The following CLN3 variants were observed in gnomAD, a reference collection of about 807,000 sequenced individuals.
CLN3 encodes the protein CLN3 lysosomal/endosomal transmembrane protein, battenin.
In CLN3, 49 loss-of-function variants were observed where a neutral mutation model predicts 60.7. The ratio of observed to expected loss-of-function variants is 0.81; its 90% confidence interval spans 0.64 to 1.02. The LOEUF (loss-of-function observed/expected upper bound fraction) is 1.02. Among genes scored for constraint, CLN3 ranks in the 50% least tolerant of loss-of-function variants. The pLI is 0.00. For missense variants in CLN3, 516 were observed against 557.4 expected, an observed-to-expected ratio of 0.93 and a Z score of 0.75; for synonymous variants, 256 against 245.8, an observed-to-expected ratio of 1.04 and a Z score of -0.39.
intron 14 of CLN3, chr16:28,479,666 G>A (rs1170319224): frequency 1.2e-5 from 2 of 171,604 alleles, no homozygotes; most frequent in African/African-American, 2.4e-5. Context: ...CTACTCGGAA[G>A]GCTGAGGCTT....
chr16:28,472,919 G>A (rs955792651), downstream of CLN3, among the ~76,000 whole-genome samples: 2 of 149,754 alleles, frequency 1.3e-5, no homozygotes, highest in South Asian at 4.3e-4. Context: ...TTACAGGCGT[G>A]AGCCACTGCA....
chr16:28,474,959 G>A (rs2045979533), downstream of CLN3, among the ~76,000 whole-genome samples: 1 of 152,128 alleles, frequency 6.6e-6, no homozygotes, highest in Non-Finnish European at 1.5e-5. Flanking sequence ...ATAAAAATTA[G>A]CCAGGCAGGG....
At chr16:28,469,722 C>G, downstream of CLN3, 1 of 392,164 alleles carries the variant, frequency 2.5e-6, no homozygotes, top group Non-Finnish European at 4.9e-6. Flanking sequence ...GGCGCGGTGG[C>G]TCACGCCTGT....
intron 14 of CLN3, among the ~76,000 whole-genome samples, chr16:28,481,235 C>T (rs778277331): frequency 6.6e-6 from 1 of 151,998 alleles, no homozygotes; most frequent in Non-Finnish European, 1.5e-5. Flanking sequence ...CTCAGCTTCC[C>T]AGTAGCTAAG....
At chr16:28,474,560 G>C (rs1286530615), downstream of CLN3, among the ~76,000 whole-genome samples, 3 of 152,294 alleles carry the variant, frequency 2.0e-5, no homozygotes, top group African/African-American at 7.2e-5. Context: ...GTATTGGTGG[G>C]GACGTGGAGT....
chr16:28,478,972 G>A (rs566479037), intron 14 of CLN3, among the ~76,000 whole-genome samples: 68 of 152,216 alleles, frequency 4.5e-4, no homozygotes, highest in Non-Finnish European at 7.5e-4. Flanking sequence ...TCAAGCAGTC[G>A]CTGCCCCCCT....
intron 14 of CLN3, among the ~76,000 whole-genome samples, chr16:28,481,425 C>A (rs111887933): frequency 8.5e-6 from 1 of 117,096 alleles, no homozygotes; most frequent in Non-Finnish European, 1.8e-5. Flanking sequence ...AAAACACACA[C>A]ACACACACAC....
chr16:28,480,525 C>T (rs983232048), intron 14 of CLN3, among the ~76,000 whole-genome samples: 3 of 152,042 alleles, frequency 2.0e-5, no homozygotes, highest in East Asian at 1.9e-4. Flanking sequence ...CTCAGCCTAG[C>T]GAGTAGCTGA....
In CLN3 at chr16:28,487,864, G is replaced by A; in HGVS notation, c.295-123C>T. 4.0e-6 allele frequency: 3 copies of A among 755,678 alleles called. No homozygotes were observed. The South Asian group carries it at 4.4e-5, about 11-fold the overall frequency. The allele number at this position is 755,678 out of a possible 1,614,324, so 46.8% of individuals were successfully genotyped here. A position where few individuals can be genotyped will look rare whatever the true frequency, so the allele number is the denominator to read the frequency against. ...CTACAAACACAGGCTCTGGAGTCAG[G>A]CACGCCTGGGTTCAAGTCTCAGCTC... On this transcript the variant is annotated intron_variant, in intron 5 of 15. Transcript: ENST00000636147.
intron 10 of CLN3, 42 bp from the exon 11 acceptor site, chr16:28,482,714 A>G: frequency 1.2e-6 from 2 of 1,608,786 alleles, no homozygotes; most frequent in Non-Finnish European, 1.7e-6. Context: ...AAGTTTTCAC[A>G]CTGAAGACTC....
At chr16:28,487,391 C>A in intron 7 of CLN3, 65 bp downstream of exon 7, 1 of 1,330,356 alleles carries the variant, frequency 7.5e-7, no homozygotes, top group Non-Finnish European at 1.1e-6. Context: ...TGGGGAGACT[C>A]TTCCCACAAA....
At chr16:28,481,573 T>C (rs1194330596) in intron 14 of CLN3, among the ~76,000 whole-genome samples, 1 of 152,024 alleles carries the variant, frequency 6.6e-6, no homozygotes, top group Non-Finnish European at 1.5e-5. Flanking sequence ...CATGAGGAAA[T>C]TGAGGCTCAG....
chr16:28,479,825 A>C (rs1265712377), intron 14 of CLN3: 1 of 173,026 alleles, frequency 5.8e-6, no homozygotes, highest in African/African-American at 2.4e-5. Context: ...TTAAAACCAT[A>C]AGCTACATGT....
intron 14 of CLN3, among the ~76,000 whole-genome samples, chr16:28,480,127 T>C (rs2046061449): frequency 6.6e-6 from 1 of 151,594 alleles, no homozygotes; most frequent in Admixed American, 6.6e-5. Flanking sequence ...CACCCTGTTG[T>C]TGTTTTTTGT....
Position 28,491,454 on chromosome 16 carries a change from T to C in CLN3, c.125+28A>G, listed in dbSNP as rs1484956618. 3.1e-6 allele frequency: 5 copies of C among 1,611,396 alleles called. No individual in the cohort carries two copies. In the Admixed American group the frequency reaches 8.4e-5, roughly 27 times the overall value. On this transcript the variant is annotated intron_variant, in intron 3 of 15. Transcript: ENST00000636147. ...TCACTTCCCTCTTCTCATGCCATTG[T>C]CACTCGCTGAAGTCTCAGGCCACTC...
chr16:28,485,623 G>A (rs1212615290), intron 9 of CLN3, among the ~76,000 whole-genome samples: 2 of 126,636 alleles, frequency 1.6e-5, no homozygotes, highest in Non-Finnish European at 3.2e-5. Context: ...GTTCAGGCCT[G>A]TTGCCCTGGC....
intron 15 of CLN3, 47 bp downstream of exon 15, chr16:28,477,690 G>A (rs774635767): frequency 3.1e-6 from 5 of 1,613,954 alleles, no homozygotes; most frequent in African/African-American, 1.3e-5. Flanking sequence ...CCTGCCCTGG[G>A]TGTCCCTGGA....
At chr16:28,483,316 G>C (rs1164857139) in intron 10 of CLN3, among the ~76,000 whole-genome samples, 1 of 151,698 alleles carries the variant, frequency 6.6e-6, no homozygotes, top group African/African-American at 2.4e-5. Flanking sequence ...CTGCCTCCTG[G>C]GTTCAAGTGA....
At chr16:28,481,458 A>ACACACACGCG (rs1555468024) in intron 14 of CLN3, among the ~76,000 whole-genome samples, 1 of 128,942 alleles carries the variant, frequency 7.8e-6, no homozygotes, top group African/African-American at 2.8e-5. Context: ...ACACACGCAC[A>ACACACACGCG]CACACACACA....
Sources: allele counts gnomAD v4.1 joint callset (sites outside exome capture counted in the v4.1 genomes callset), GRCh38; gene constraint gnomAD v4.1.1; transcripts MANE v1.5; gene names NCBI Gene and HGNC (gene_info 2026-07-23, HGNC 2026-07-21).